Variants in AKIRIN2 observed in about 807,000 individuals in gnomAD.
The protein encoded by AKIRIN2 is akirin 2.
A neutral mutation model predicts 29.3 loss-of-function variants in AKIRIN2; 6 were observed. The ratio of observed to expected loss-of-function variants is 0.20; its 90% CI spans 0.11 to 0.40. The LOEUF (loss-of-function observed/expected upper bound fraction) is 0.40. Ranked by LOEUF, AKIRIN2 falls within the 10% of genes least tolerant of loss-of-function variation. AKIRIN2 has a pLI of 1.00. For synonymous variants in AKIRIN2, 128 were observed against 117.5 expected, an observed-to-expected ratio of 1.09 and a Z score of -0.58; for missense variants, 210 against 276.1, an observed-to-expected ratio of 0.76 and a Z score of 1.70.
intron 1 of AKIRIN2, among the ~76,000 whole-genome samples, chr6:87,698,846 A>C (rs1239497366): frequency 6.6e-6 from 1 of 152,232 alleles, no homozygotes; most frequent in Non-Finnish European, 1.5e-5. Context: ...CTAAGGTTTA[A>C]AACAGACATC....
At position 87,675,660 on chromosome 6, in the gene AKIRIN2, G is replaced by A. The variant is rs116208081; in HGVS notation, c.602-53C>T. The A allele has an allele frequency of 5.3e-3, 8,463 of 1,602,902 alleles. 406 individuals carry two copies. In the African/African-American group the frequency reaches 0.1, roughly 19 times the overall value. On this transcript the variant is annotated intron_variant, in intron 4 of 4. Coordinates refer to ENST00000257787, the MANE Select transcript of AKIRIN2 (RefSeq NM_018064.4). ...GCAAAATACAGGTCAAAATCCAAAC[G>A]AATACTAGATCTTGATTCCCAATTT...
intron 1 of AKIRIN2, among the ~76,000 whole-genome samples, chr6:87,690,391 GGTTTTTGCAGTTGTCA>G (rs1334421585): frequency 6.6e-6 from 1 of 152,160 alleles, no homozygotes; most frequent in African/African-American, 2.4e-5. Flanking sequence ...TCACCTGAAT[GGTTTTTGCAGTTGTCA>G]GTTCATTGCT....
intron 1 of AKIRIN2, among the ~76,000 whole-genome samples, chr6:87,682,016 G>A (rs2787917): frequency 0.28 from 42,741 of 152,060 alleles, 7,806 homozygotes; most frequent in African/African-American, 0.52. Flanking sequence ...AAGTTTTTCA[G>A]TCAAAATAAT....
chr6:87,687,698 A>G (rs1771210907), intron 1 of AKIRIN2, among the ~76,000 whole-genome samples: 1 of 152,192 alleles, frequency 6.6e-6, no homozygotes, highest in East Asian at 1.9e-4. Context: ...GAAACGACTC[A>G]ATTTGTTATA....
At chr6:87,687,321 T>A (rs1771203208) in intron 1 of AKIRIN2, among the ~76,000 whole-genome samples, 1 of 149,638 alleles carries the variant, frequency 6.7e-6, no homozygotes, top group Non-Finnish European at 1.5e-5. Flanking sequence ...GGTGGGCAGA[T>A]CACCTGAGGT....
chr6:87,695,250 T>C (rs1185653062), intron 1 of AKIRIN2, among the ~76,000 whole-genome samples: 1 of 152,210 alleles, frequency 6.6e-6, no homozygotes, highest in African/African-American at 2.4e-5. Flanking sequence ...AAAAGTATTA[T>C]TCAAAGTCTT....
chr6:87,676,325 C>T (rs1018740705), intron 3 of AKIRIN2, among the ~76,000 whole-genome samples: 18 of 148,752 alleles, frequency 1.2e-4, no homozygotes, highest in Non-Finnish European at 2.2e-4. Context: ...ATTAGCTGGG[C>T]ATGGTGGCAG....
At position 87,701,462 on chromosome 6, in the gene AKIRIN2, G is replaced by T. The variant is rs775221409; in HGVS notation, c.223C>A (p.Arg75Ser). ...GGCCGGGTCCCACCTGTGGTGAGGC[G>T]GGAGGAGACGTCGCCGAAGGGGGAT... ...EPSPFGDVSS[R>S]LTTEQILYNI... The change falls in exon 1 of 5, where the codon CGC becomes AGC. Residue 75 changes from arginine (R) to serine (S), a missense_variant. This residue lies in a region of AKIRIN2 where 199 missense variants were observed against 236.5 expected (regional missense o/e 0.84). Coordinates refer to ENST00000257787, the MANE Select transcript of AKIRIN2 (RefSeq NM_018064.4). 2.0e-6 allele frequency: 3 copies of T among 1,522,954 alleles called. No homozygotes were observed. The highest frequency in any genetic ancestry group is 2.4e-5 in the South Asian group (2 of 82,772). The allele number at this position is 1,522,954 out of a possible 1,614,324, so 94.3% of individuals were successfully genotyped here. A position where few individuals can be genotyped will look rare whatever the true frequency, so the allele number is the denominator to read the frequency against.
intron 1 of AKIRIN2, among the ~76,000 whole-genome samples, chr6:87,693,724 CAAA>C (rs34150167): frequency 3.0e-5 from 3 of 101,124 alleles, no homozygotes; most frequent in African/African-American, 3.4e-5. Flanking sequence ...GACTCTGTCT[CAAA>C]AAAAAAAAAA....
At chr6:87,696,038 G>A (rs1173878549) in intron 1 of AKIRIN2, among the ~76,000 whole-genome samples, 1 of 151,976 alleles carries the variant, frequency 6.6e-6, no homozygotes, top group East Asian at 1.9e-4. Context: ...AAATTAGCTG[G>A]GCATGGTGGC....
In AKIRIN2 at chr6:87,701,619, C is replaced by T; in HGVS notation, c.66G>A (p.Pro22=). The T allele has an allele frequency of 2.1e-6, 3 of 1,455,244 alleles. No homozygotes were observed. The highest frequency in any genetic ancestry group is 1.8e-6 in the Non-Finnish European group (2 of 1,106,894). The allele number at this position is 1,455,244 out of a possible 1,614,324, so 90.1% of individuals were successfully genotyped here. ...ACAATGGCGCACATCGCCTGCGCTT[C>T]GGGGACGCCGGGCTCAACAGCGGGT... ...DFDPLLSPAS[P]KRRRCAPLSA... is the part of the protein sequence containing the mutation. The change falls in exon 1 of 5, where the codon CCG becomes CCA. Residue 22 remains proline (P), a synonymous_variant. Coordinates refer to ENST00000257787, the MANE Select transcript of AKIRIN2 (RefSeq NM_018064.4).
At chr6:87,696,835 A>G (rs1771374155) in intron 1 of AKIRIN2, among the ~76,000 whole-genome samples, 1 of 151,836 alleles carries the variant, frequency 6.6e-6, no homozygotes. Flanking sequence ...GTGAAACCCC[A>G]TCTCTTCTAA....
intron 1 of AKIRIN2, among the ~76,000 whole-genome samples, chr6:87,683,062 G>A (rs1383986104): frequency 1.3e-5 from 2 of 152,040 alleles, no homozygotes; most frequent in Non-Finnish European, 2.9e-5. Context: ...CCTAGGAGAA[G>A]AACTTTTAGA....
At chr6:87,689,884 T>A (rs1382076249) in intron 1 of AKIRIN2, among the ~76,000 whole-genome samples, 2 of 152,220 alleles carry the variant, frequency 1.3e-5, no homozygotes, top group African/African-American at 2.4e-5. Context: ...TCTGGAACTA[T>A]GCGTATTTAA....
At chr6:87,677,739 A>G in intron 3 of AKIRIN2, 79 bp downstream of exon 3, 2 of 1,491,494 alleles carry the variant, frequency 1.3e-6, no homozygotes, top group Non-Finnish European at 1.8e-6. Context: ...AGTGTATAGA[A>G]AGTGAAATTA....
chr6:87,684,674 C>CTT (rs1403552663), intron 1 of AKIRIN2, among the ~76,000 whole-genome samples: 1 of 152,106 alleles, frequency 6.6e-6, no homozygotes. Context: ...CAGCAAAATG[C>CTT]TTTTGAGATT....
At position 87,702,080 on chromosome 6, in the gene AKIRIN2, C is replaced by T; in HGVS notation, c.-396G>A. The T allele has an allele frequency of 7.5e-6, 3 of 399,374 alleles. No individual in the cohort carries two copies. Among genetic ancestry groups the T allele is most frequent in the Non-Finnish European group, 1.3e-5 (3 of 226,330 alleles). The allele number at this position is 399,374 out of a possible 1,614,324, so 24.7% of individuals were successfully genotyped here. ...ATCCTTTCTGAAGTCGAAAACAGCA[C>T]CGTGGGGTGTGAGGCTGGAACGCGG... is the stretch of plus-strand genomic sequence containing the variant. On this transcript the variant is annotated 5_prime_UTR_variant, in exon 1 of 5. It adds an upstream start codon to the 5' untranslated region. Coordinates refer to ENST00000257787, the MANE Select transcript of AKIRIN2 (RefSeq NM_018064.4).
chr6:87,691,297 C>T (rs923393944), intron 1 of AKIRIN2, among the ~76,000 whole-genome samples: 16 of 151,676 alleles, frequency 1.1e-4, no homozygotes, highest in Admixed American at 7.2e-4. Context: ...AAAAATTAGC[C>T]GGGCATGGTG....
intron 1 of AKIRIN2, among the ~76,000 whole-genome samples, chr6:87,693,086 G>C (rs747633368): frequency 6.6e-6 from 1 of 151,922 alleles, no homozygotes; most frequent in Non-Finnish European, 1.5e-5. Context: ...AAAAGTAGCC[G>C]GGTATGATGG....
Sources: allele counts gnomAD v4.1 joint callset (sites outside exome capture counted in the v4.1 genomes callset), GRCh38; gene constraint gnomAD v4.1.1; regional missense constraint gnomAD v4.1.1; transcripts MANE v1.5; gene names NCBI Gene and HGNC (gene_info 2026-07-23, HGNC 2026-07-21).